The following CASR variants were observed in gnomAD, a reference collection of about 807,000 sequenced individuals.
CASR encodes calcium sensing receptor, also known as extracellular calcium-sensing receptor.
In CASR, 23 loss-of-function variants were observed where a neutral mutation model predicts 69.1. That is an observed-to-expected ratio of 0.33 (90% confidence interval 0.24 to 0.47). The LOEUF (loss-of-function observed/expected upper bound fraction) is 0.47, where lower values mean the gene tolerates loss of function less well. Among genes scored for constraint, CASR ranks in the 20% least tolerant of loss-of-function variants. CASR has a pLI of 1.00. For synonymous variants in CASR, 541 were observed against 544.7 expected (o/e 0.99, Z 0.10); for missense variants, 924 against 1,356.1 (o/e 0.68, Z 5.00).
At chr3:122,216,563 A>T (rs915142816) in intron 1 of CASR, among the ~76,000 whole-genome samples, 1 of 152,350 alleles carries the variant, frequency 6.6e-6, no homozygotes. Flanking sequence ...CAGAGTTCTT[A>T]TGCTGCATAA....
chr3:122,221,270 AT>A (rs1300737095), intron 1 of CASR, among the ~76,000 whole-genome samples: 2 of 152,088 alleles, frequency 1.3e-5, no homozygotes, highest in Non-Finnish European at 2.9e-5. Context: ...ATTACCATTC[AT>A]TTTCTTTTCC....
intron 3 of CASR, among the ~76,000 whole-genome samples, chr3:122,260,689 T>A (rs892536099): frequency 2.3e-4 from 34 of 147,770 alleles, no homozygotes; most frequent in East Asian, 1.2e-3. Flanking sequence ...TAAAGTATAA[T>A]AAAAAAAAAA....
intron 4 of CASR, among the ~76,000 whole-genome samples, chr3:122,268,459 T>C (rs912442531): frequency 6.6e-6 from 1 of 152,220 alleles, no homozygotes; most frequent in African/African-American, 2.4e-5. Context: ...TTCTAGCTCC[T>C]GAGAGGCTGC....
intron 1 of CASR, among the ~76,000 whole-genome samples, chr3:122,249,413 G>T (rs2074460437): frequency 6.6e-6 from 1 of 152,190 alleles, no homozygotes; most frequent in South Asian, 2.1e-4. Flanking sequence ...CTAGTGTCTT[G>T]CACTCCCTGG....
chr3:122,278,537 A>T (rs2074849462), intron 5 of CASR, among the ~76,000 whole-genome samples: 1 of 152,230 alleles, frequency 6.6e-6, no homozygotes, highest in African/African-American at 2.4e-5. Flanking sequence ...CTTGGCCAGA[A>T]TTGGACAGGC....
intron 5 of CASR, among the ~76,000 whole-genome samples, chr3:122,280,183 A>G (rs1280145819): frequency 6.6e-6 from 1 of 152,228 alleles, no homozygotes; most frequent in Non-Finnish European, 1.5e-5. Context: ...AAAACTCTAA[A>G]TAAACTAGGT....
intron 3 of CASR, among the ~76,000 whole-genome samples, chr3:122,260,211 G>A (rs1434005080): frequency 1.3e-5 from 2 of 152,192 alleles, no homozygotes. Flanking sequence ...TCCCACCAGG[G>A]TTGATCAGCT....
At chr3:122,191,804 C>T (rs2107580403) in intron 1 of CASR, among the ~76,000 whole-genome samples, 1 of 152,266 alleles carries the variant, frequency 6.6e-6, no homozygotes, top group South Asian at 2.1e-4. Flanking sequence ...CAAATGAAGA[C>T]AATCACATGG....
chr3:122,257,258 T>G lies in CASR; in HGVS notation c.363T>G (p.Asp121Glu), dbSNP rs201923228. ...TLSFVAQNKI[D>E]SLNLDEFCNC... The stretch of plus-strand genomic sequence containing the variant: ...GTTTTGTTGCTCAAAACAAAATTGA[T>G]TCTTTGAACCTTGATGAGTTCTGCA... The change falls in exon 3 of 7, where the codon GAT (aspartate) becomes GAG (glutamate). Residue 121 changes from aspartate (D) to glutamate (E), a missense_variant. Asp to Glu is a conservative substitution (Grantham distance 45). Transcript: ENST00000639785. 1 of 1,614,216 alleles carries G rather than the reference T, an allele frequency of 6.2e-7. No homozygotes were observed. Among genetic ancestry groups the G allele is most frequent in the Admixed American group, 1.7e-5 (1 of 60,024 alleles).
chr3:122,201,794 G>C (rs910092548), intron 1 of CASR, among the ~76,000 whole-genome samples: 1 of 152,032 alleles, frequency 6.6e-6, no homozygotes, highest in African/African-American at 2.4e-5. Context: ...CAGCGGGGCA[G>C]AGGTGCTCCC....
intron 1 of CASR, among the ~76,000 whole-genome samples, chr3:122,227,306 G>T (rs112822894): frequency 5.5e-4 from 84 of 152,332 alleles, no homozygotes; most frequent in Middle Eastern, 3.4e-3. Flanking sequence ...GGAGCCCATG[G>T]TGGGGGGTTG....
At position 122,287,558 on chromosome 3, in the gene CASR, A is replaced by G. The variant is rs559270748; in HGVS notation, c.*2367A>G. The G allele has an allele frequency of 2.0e-5, 3 of 152,382 alleles. No individual in the cohort carries two copies. Among genetic ancestry groups the G allele is most frequent in the South Asian group, 4.1e-4 (2 of 4,832 alleles). The allele number at this position is 152,382 out of a possible 1,614,324, so 9.4% of individuals were successfully genotyped here. ...AGCCAATTTAGATGTTTGGGGATCAATTCAGAGGTTGTTCCTTCTCCCTTC... is the reference window on the plus strand; with the variant it reads ...AGCCAATTTAGATGTTTGGGGATCAGTTCAGAGGTTGTTCCTTCTCCCTTC... On this transcript the variant is annotated 3_prime_UTR_variant, in exon 7 of 7. Transcript: ENST00000639785.
chr3:122,208,119 AT>A (rs2074026976), intron 1 of CASR, among the ~76,000 whole-genome samples: 1 of 143,494 alleles, frequency 7.0e-6, no homozygotes. Context: ...GAAACTTTTT[AT>A]TTTAAGTAGT....
rs373902031 is a variant in CASR, at chr3:122,285,158, C to G, written c.3204C>G (p.Gly1068=). 1.2e-6 allele frequency: 2 copies of G among 1,614,110 alleles called. No individual in the cohort carries two copies. The part of the protein sequence containing the change: ...SSQSFVISGG[G]STVTENVVNS ...AGAGCTTTGTCATCAGTGGTGGAGG[C>G]AGCACTGTTACAGAAAACGTAGTGA... The change falls in exon 7 of 7, where the codon GGC becomes GGG. Residue 1068 remains glycine, a synonymous_variant. Coordinates refer to ENST00000639785, the MANE Select transcript of CASR (RefSeq NM_000388.4).
At position 122,252,358 on chromosome 3, in the gene CASR, AGAAAGAAGGAAG is replaced by A. The variant is rs1370298109; in HGVS notation, c.-242-1586_-242-1575del. Among the ~76,000 whole-genome samples, 84 of 53,378 alleles carry A rather than the reference AGAAAGAAGGAAG, an allele frequency of 1.6e-3. 1 individual carries two copies. Among genetic ancestry groups the A allele is most frequent in the Middle Eastern group, 6.0e-3 (1 of 166 alleles). The allele number at this position is 53,378 out of a possible 152,430, so 35.0% of individuals were successfully genotyped here. A position where few individuals can be genotyped will look rare whatever the true frequency, so the allele number is the denominator to read the frequency against. On this transcript the variant is annotated intron_variant, in intron 1 of 6. Transcript: ENST00000639785. ...AGAGAAAGAAAGAAGAAAGAAAGAA[AGAAAGAAGGAAG>A]GAAGGAAGGAAGGAAGGAAGGAAGG...
chr3:122,218,244 A>C (rs1484732237), intron 1 of CASR, among the ~76,000 whole-genome samples: 1 of 152,026 alleles, frequency 6.6e-6, no homozygotes, highest in Non-Finnish European at 1.5e-5. Flanking sequence ...AGAATCAAAA[A>C]TTATTTACGG....
intron 2 of CASR, among the ~76,000 whole-genome samples, chr3:122,254,973 A>G (rs1329780227): frequency 3.1e-5 from 3 of 95,358 alleles, no homozygotes; most frequent in Non-Finnish European, 6.3e-5. Context: ...CCCCCCATCC[A>G]CCCTGCCAAG....
chr3:122,284,192 G>T lies in CASR; in HGVS notation c.2238G>T (p.Ala746=), dbSNP rs149557554. The change falls in exon 7 of 7, where the codon GCG becomes GCT. Residue 746 remains alanine, a synonymous_variant. Coordinates refer to ENST00000639785, the MANE Select transcript of CASR (RefSeq NM_000388.4). ...IVICVIWLYT[A]PPSSYRNQEL... ...TCTGTGTGATCTGGCTCTACACCGC[G>T]CCCCCGTCAAGCTACCGCAACCAGG... The T allele has an allele frequency of 7.4e-6, 12 of 1,613,530 alleles. No individual in the cohort carries two copies. Among genetic ancestry groups the T allele is most frequent in the South Asian group, 4.4e-5 (4 of 91,076 alleles).
At chr3:122,209,342 A>C (rs1030209175) in intron 1 of CASR, among the ~76,000 whole-genome samples, 1 of 152,336 alleles carries the variant, frequency 6.6e-6, no homozygotes, top group African/African-American at 2.4e-5. Flanking sequence ...TATTCCAAAC[A>C]ATTGAAAAGG....
Sources: allele counts gnomAD v4.1 joint callset (sites outside exome capture counted in the v4.1 genomes callset), GRCh38; gene constraint gnomAD v4.1.1; transcripts MANE v1.5; gene names NCBI Gene and HGNC (gene_info 2026-07-23, HGNC 2026-07-21).